CD200R1: variants seen among roughly 807,000 people sequenced by gnomAD.
CD200R1 encodes CD200 receptor 1.
A neutral mutation model predicts 38.1 loss-of-function variants in CD200R1; 30 were observed. The ratio of observed to expected loss-of-function variants is 0.79; its 90% CI spans 0.59 to 1.07. CD200R1 has a LOEUF of 1.07. CD200R1 is among the 50% of genes least tolerant of loss of function. The pLI is 0.00. For missense variants in CD200R1, 372 were observed against 415.4 expected (o/e 0.90, Z 0.91); for synonymous variants, 128 against 152.1 (o/e 0.84, Z 1.16).
chr3:112,948,005 T>A, intron 1 of CD200R1, 81 bp from the exon 2 acceptor site: 1 of 904,410 alleles, frequency 1.1e-6, no homozygotes. Flanking sequence ...TCATATTTTT[T>A]CACATTCTTC....
In CD200R1 at chr3:112,931,191, G is replaced by A; in HGVS notation, c.137-20C>T. 1 of 1,498,060 alleles carries A rather than the reference G, an allele frequency of 6.7e-7. No homozygotes were observed. Among genetic ancestry groups the A allele is most frequent in the Non-Finnish European group, 9.3e-7 (1 of 1,074,754 alleles). 92.8% of individuals were successfully genotyped at this position (1,498,060 alleles called of 1,614,324 possible). On this transcript the variant is annotated intron_variant, in intron 2 of 7. Coordinates refer to ENST00000308611, the MANE Select transcript of CD200R1 (RefSeq NM_138806.4). The stretch of plus-strand genomic sequence containing the variant: ...TTGAAGCTAGAAAATATTTAGAGAA[G>A]AATAAATGAAATCAATTTTATGTAC...
At chr3:112,924,404 A>G in intron 7 of CD200R1, 86 bp downstream of exon 7, 2 of 1,038,924 alleles carry the variant, frequency 1.9e-6, no homozygotes, top group East Asian at 6.3e-5. Context: ...CTGAAACACT[A>G]ATATTGATAC....
At chr3:112,943,004 G>A (rs1940762539) in intron 2 of CD200R1, among the ~76,000 whole-genome samples, 1 of 151,682 alleles carries the variant, frequency 6.6e-6, no homozygotes, top group South Asian at 2.1e-4. Context: ...GAACAGCAAG[G>A]AGAAATAAAT....
At position 112,923,667 on chromosome 3, in the gene CD200R1, G is replaced by T; in HGVS notation, c.*10C>A. ...TTTGTTGTTGTTTCTTGGTACTAGA[G>T]TCCAACAACTTATAAAGTATGGAGG... On this transcript the variant is annotated 3_prime_UTR_variant, in exon 8 of 8. Coordinates refer to ENST00000308611, the MANE Select transcript of CD200R1 (RefSeq NM_138806.4). 7.5e-7 allele frequency: 1 copy of T among 1,332,298 alleles called. No individual in the cohort carries two copies. The highest frequency in any genetic ancestry group is 1.1e-6 in the Non-Finnish European group (1 of 933,568). 82.5% of individuals were successfully genotyped at this position (1,332,298 alleles called of 1,614,324 possible). A position where few individuals can be genotyped will look rare whatever the true frequency, so the allele number is the denominator to read the frequency against.
At chr3:112,937,500 T>C (rs1940612313) in intron 2 of CD200R1, among the ~76,000 whole-genome samples, 1 of 152,128 alleles carries the variant, frequency 6.6e-6, no homozygotes, top group South Asian at 2.1e-4. Context: ...AAGATAGTTG[T>C]AGGTGTGCGG....
chr3:112,965,696 G>T (rs1046642187), intron 1 of CD200R1, among the ~76,000 whole-genome samples: 2 of 152,126 alleles, frequency 1.3e-5, no homozygotes, highest in African/African-American at 4.8e-5. Flanking sequence ...AGGAGGCAGA[G>T]GTTGCAGTTA....
At chr3:112,934,659 A>T (rs1940534344) in intron 2 of CD200R1, among the ~76,000 whole-genome samples, 1 of 151,996 alleles carries the variant, frequency 6.6e-6, no homozygotes, top group African/African-American at 2.4e-5. Context: ...ATGAAACCCC[A>T]TCCCTACTAA....
At chr3:112,941,303 A>G (rs542876626) in intron 2 of CD200R1, among the ~76,000 whole-genome samples, 2 of 151,768 alleles carry the variant, frequency 1.3e-5, no homozygotes, top group Non-Finnish European at 3.0e-5. Context: ...AGAAGAAGAT[A>G]TTGAATGTTC....
At chr3:112,973,055 T>C (rs1185975925) in intron 1 of CD200R1, among the ~76,000 whole-genome samples, 1 of 152,246 alleles carries the variant, frequency 6.6e-6, no homozygotes, top group Non-Finnish European at 1.5e-5. Flanking sequence ...ATATGTAGTC[T>C]TTCCTAGTTG....
intron 3 of CD200R1, 144 bp from the exon 4 acceptor site, chr3:112,929,651 A>C (rs1347504672): frequency 4.1e-6 from 3 of 723,652 alleles, no homozygotes; most frequent in Non-Finnish European, 6.4e-6. Flanking sequence ...TAAAAAATTA[A>C]AATTCTCAAA....
chr3:112,963,248 T>G (rs892199875), intron 1 of CD200R1, among the ~76,000 whole-genome samples: 2 of 151,850 alleles, frequency 1.3e-5, no homozygotes, highest in Non-Finnish European at 2.9e-5. Context: ...ACCAGAAGAG[T>G]GGGGCACTGC....
chr3:112,928,928 G>GC lies in CD200R1; in HGVS notation c.656dup (p.Thr220HisfsTer5). On this transcript the variant is annotated frameshift_variant, in exon 5 of 8. Coordinates refer to ENST00000308611, the MANE Select transcript of CD200R1 (RefSeq NM_138806.4). LOFTEE classifies it high-confidence loss of function. Reference sequence around the variant, plus strand: ...GGCATGTACTCTTAACAGTCACTGTGCCATTGCTCCAGTATTCTTGCTTAG... The same window carrying GC: ...GGCATGTACTCTTAACAGTCACTGTGCCCATTGCTCCAGTATTCTTGCTTAG... 6.2e-7 allele frequency: 1 copy of GC among 1,613,944 alleles called. No homozygotes were observed. The highest frequency in any genetic ancestry group is 8.5e-7 in the Non-Finnish European group (1 of 1,179,952).
intron 7 of CD200R1, 53 bp from the exon 8 acceptor site, chr3:112,923,852 T>A (rs1940223910): frequency 8.5e-7 from 1 of 1,182,282 alleles, no homozygotes; most frequent in African/African-American, 1.6e-5. Context: ...ATAGAGACTA[T>A]CTGTATTTTT....
chr3:112,955,064 G>A (rs1026916605), intron 1 of CD200R1, among the ~76,000 whole-genome samples: 3 of 152,072 alleles, frequency 2.0e-5, no homozygotes, highest in Non-Finnish European at 4.4e-5. Context: ...ACAAACTTTT[G>A]GTCACAGAAC....
At chr3:112,930,078 T>A (rs954364746) in intron 3 of CD200R1, among the ~76,000 whole-genome samples, 2 of 151,066 alleles carry the variant, frequency 1.3e-5, no homozygotes, top group South Asian at 4.2e-4. Context: ...TTCTTTTTTT[T>A]AAAAAGAATC....
chr3:112,934,487 G>A (rs183559040), intron 2 of CD200R1, among the ~76,000 whole-genome samples: 2 of 151,922 alleles, frequency 1.3e-5, no homozygotes, highest in African/African-American at 4.8e-5. Context: ...GAATGTAAAT[G>A]GATTCAATTT....
intron 5 of CD200R1, among the ~76,000 whole-genome samples, chr3:112,927,372 C>A (rs373497760): frequency 1.3e-5 from 2 of 152,180 alleles, no homozygotes; most frequent in East Asian, 3.9e-4. Context: ...GAGAAAAGGC[C>A]TTCAGATACA....
chr3:112,942,312 A>C (rs1443889977), intron 2 of CD200R1, among the ~76,000 whole-genome samples: 1 of 151,720 alleles, frequency 6.6e-6, no homozygotes, highest in Non-Finnish European at 1.5e-5. Context: ...GATACAAGGA[A>C]AGGAAGGAAG....
intron 2 of CD200R1, among the ~76,000 whole-genome samples, chr3:112,936,070 A>G (rs1313240216): frequency 4.6e-5 from 7 of 152,100 alleles, no homozygotes; most frequent in Admixed American, 3.3e-4. Flanking sequence ...CTGTTTCTGC[A>G]TTAGTTTGCT....
Sources: allele counts gnomAD v4.1 joint callset (sites outside exome capture counted in the v4.1 genomes callset), GRCh38; gene constraint gnomAD v4.1.1; transcripts MANE v1.5; gene names NCBI Gene and HGNC (gene_info 2026-07-23, HGNC 2026-07-21).